The following SETD5 variants were observed in gnomAD, a reference collection of about 807,000 sequenced individuals.
SETD5 encodes the protein SET domain containing 5.
A neutral mutation model predicts 153.3 loss-of-function variants in SETD5; 44 were observed. The observed-to-expected ratio is 0.29, with a 90% CI of 0.23 to 0.37. SETD5 has a LOEUF of 0.37. Among genes scored for constraint, SETD5 ranks in the 10% least tolerant of loss-of-function variants. SETD5 has a pLI of 1.00. For synonymous variants in SETD5, 716 were observed against 645.2 expected (o/e 1.11, Z -1.66); for missense variants, 1,544 against 1,768.0 (o/e 0.87, Z 2.27).
chr3:9,437,271 T>C (rs2040683564), intron 7 of SETD5, among the ~76,000 whole-genome samples: 1 of 152,172 alleles, frequency 6.6e-6, no homozygotes, highest in Admixed American at 6.5e-5. Flanking sequence ...TGGGCTTTAA[T>C]TGCAGGACGC....
chr3:9,419,064 T>G (rs905747476), intron 1 of SETD5, among the ~76,000 whole-genome samples: 1 of 152,044 alleles, frequency 6.6e-6, no homozygotes, highest in African/African-American at 2.4e-5. Flanking sequence ...TGACCTCAGG[T>G]GATCCACCCG....
chr3:9,468,844 G>A (rs920331737), intron 18 of SETD5, among the ~76,000 whole-genome samples: 22 of 151,996 alleles, frequency 1.4e-4, no homozygotes, highest in Admixed American at 3.3e-4. Flanking sequence ...GGTTTTTGCC[G>A]TTTGGGGGAG....
Position 9,474,551 on chromosome 3 carries a change from A to C in SETD5, c.3600A>C (p.Thr1200=). The stretch of plus-strand genomic sequence containing the variant: ...CCCAAAAGGGAGAGCCCTCTCCCAC[A>C]TGGGAGAGTAACATCACAGAGAAAG... ...RVAQKGEPSP[T]WESNITEKDS... Residue 1200 remains threonine (T), a synonymous_variant, in exon 21 of 23, where the codon ACA becomes ACC. Coordinates refer to ENST00000402198, the MANE Select transcript of SETD5 (RefSeq NM_001080517.3). 1 of 1,613,890 alleles carries C rather than the reference A, an allele frequency of 6.2e-7. No individual in the cohort carries two copies. The highest frequency in any genetic ancestry group is 8.5e-7 in the Non-Finnish European group (1 of 1,179,844).
chr3:9,425,295 C>G (rs905817421), intron 2 of SETD5, among the ~76,000 whole-genome samples: 7 of 151,802 alleles, frequency 4.6e-5, no homozygotes, highest in Non-Finnish European at 1.0e-4. Context: ...AACTCCTGAC[C>G]TCAGGTGATC....
At chr3:9,460,702 C>G (rs753597300) in intron 17 of SETD5, among the ~76,000 whole-genome samples, 1 of 151,936 alleles carries the variant, frequency 6.6e-6, no homozygotes, top group African/African-American at 2.4e-5. Context: ...TATAGTTATT[C>G]TACATTTACA....
rs376053762 is a variant in SETD5, at chr3:9,448,418, G to A, written c.2134G>A (p.Ala712Thr). ...AGTTACAGAATGGTTGAATGACAAA[G>A]CAGAGAAGCAAGAGTGCCCTGTTGA... ...YLVTEWLNDKAEKQECPVECP... is the reference protein window; with the variant it reads ...YLVTEWLNDKTEKQECPVECP... The change falls in exon 16 of 23, where the codon GCA (alanine) becomes ACA (threonine). Residue 712 changes from alanine (A) to threonine (T), a missense_variant. Ala to Thr is a moderately conservative substitution (Grantham distance 58). This residue lies in a region of SETD5 where 782 missense variants were observed against 787.2 expected (regional missense o/e 0.99). Coordinates refer to ENST00000402198, the MANE Select transcript of SETD5 (RefSeq NM_001080517.3). The A allele has an allele frequency of 7.4e-6, 12 of 1,613,964 alleles. No homozygotes were observed. The African/African-American group carries it at 1.3e-4, about 18-fold the overall frequency.
chr3:9,431,608 A>T, intron 3 of SETD5: 1 of 985,646 alleles, frequency 1.0e-6, no homozygotes, highest in Non-Finnish European at 1.2e-6. Context: ...TATATTTGGC[A>T]TGCACAGCAA....
intron 17 of SETD5, among the ~76,000 whole-genome samples, chr3:9,457,685 G>A: frequency 6.7e-6 from 1 of 149,664 alleles, no homozygotes; most frequent in Non-Finnish European, 1.5e-5. Context: ...TGGGTATATG[G>A]AGTAAACTGT....
intron 13 of SETD5, 118 bp from the exon 14 acceptor site, chr3:9,446,932 G>C (rs1350750726): frequency 1.4e-5 from 9 of 662,162 alleles, no homozygotes; most frequent in Non-Finnish European, 2.0e-5. Context: ...AGTTATATGT[G>C]TCATCTTACT....
intron 16 of SETD5, among the ~76,000 whole-genome samples, chr3:9,450,377 T>C (rs185477214): frequency 6.6e-6 from 1 of 152,336 alleles, no homozygotes; most frequent in African/African-American, 2.4e-5. Flanking sequence ...ATACACAGGA[T>C]TATCATAACA....
chr3:9,433,195 T>C (rs1055816545), intron 3 of SETD5, among the ~76,000 whole-genome samples: 1 of 152,246 alleles, frequency 6.6e-6, no homozygotes, highest in Admixed American at 6.5e-5. Context: ...AGTTTTTATT[T>C]TGAAGTTCTA....
At chr3:9,423,339 AGTACTCG>A (rs2038692660) in intron 1 of SETD5, 1 of 152,212 alleles carries the variant, frequency 6.6e-6, no homozygotes. Context: ...TCCTAAAGAG[AGTACTCG>A]GTACTACTGG....
At chr3:9,416,416 C>T (rs756027005) in intron 1 of SETD5, among the ~76,000 whole-genome samples, 3 of 152,082 alleles carry the variant, frequency 2.0e-5, no homozygotes, top group Admixed American at 6.5e-5. Flanking sequence ...AATGCTGTGT[C>T]GCAGCTGTGG....
intron 3 of SETD5, chr3:9,431,064 G>C: frequency 1.0e-6 from 1 of 985,348 alleles, no homozygotes; most frequent in African/African-American, 1.7e-5. Context: ...GGCACTTTAA[G>C]ATTAAACCTG....
At chr3:9,410,144 A>G (rs1296662241) in intron 1 of SETD5, among the ~76,000 whole-genome samples, 3 of 152,212 alleles carry the variant, frequency 2.0e-5, no homozygotes, top group South Asian at 2.1e-4. Context: ...GCTATATGGT[A>G]TAGCCCATTG....
At chr3:9,443,842 G>A (rs1231429188) in intron 11 of SETD5, among the ~76,000 whole-genome samples, 1 of 152,174 alleles carries the variant, frequency 6.6e-6, no homozygotes, top group African/African-American at 2.4e-5. Flanking sequence ...GAGGCGGGCG[G>A]ATCACGAGGT....
At chr3:9,398,055 C>G (rs1287868708) in intron 1 of SETD5, 78 bp downstream of exon 1, 3 of 152,314 alleles carry the variant, frequency 2.0e-5, no homozygotes, top group African/African-American at 7.2e-5. Context: ...TCCGTCTCCC[C>G]GCGCTCGCTC....
intron 11 of SETD5, among the ~76,000 whole-genome samples, 183 bp from the exon 12 acceptor site, chr3:9,444,865 G>C (rs2041749984): frequency 6.6e-6 from 1 of 152,106 alleles, no homozygotes; most frequent in South Asian, 2.1e-4. Context: ...GACAGAGCGA[G>C]ATTCCGTCTC....
chr3:9,443,506 G>A, intron 11 of SETD5, 89 bp downstream of exon 11: 1 of 708,652 alleles, frequency 1.4e-6, no homozygotes, highest in Non-Finnish European at 2.0e-6. Context: ...CTTGTTTCTT[G>A]CCTTTTCCTT....
Sources: allele counts gnomAD v4.1 joint callset (sites outside exome capture counted in the v4.1 genomes callset), GRCh38; gene constraint gnomAD v4.1.1; regional missense constraint gnomAD v4.1.1; transcripts MANE v1.5; gene names NCBI Gene and HGNC (gene_info 2026-07-23, HGNC 2026-07-21).